OSBP2: variants seen among roughly 807,000 people sequenced by gnomAD.
OSBP2 encodes oxysterol binding protein 2.
Under a neutral mutation model 96.0 loss-of-function variants are expected in OSBP2, and 66 were observed. That is an observed-to-expected ratio of 0.69 (90% confidence interval 0.56 to 0.84). The LOEUF (loss-of-function observed/expected upper bound fraction) is 0.84, where lower values mean the gene tolerates loss of function less well. Among genes scored for constraint, OSBP2 ranks in the 40% least tolerant of loss-of-function variants. The pLI, the probability that OSBP2 is intolerant of heterozygous loss-of-function variation, is 0.00. For missense variants in OSBP2, 1,038 were observed against 1,222.7 expected, an observed-to-expected ratio of 0.85 and a Z score of 2.25; for synonymous variants, 525 against 520.9, an observed-to-expected ratio of 1.01 and a Z score of -0.11.
chr22:30,706,531 T>C (rs772334833), intron 1 of OSBP2, among the ~76,000 whole-genome samples: 6 of 152,182 alleles, frequency 3.9e-5, no homozygotes, highest in African/African-American at 9.7e-5. Context: ...TGAGCTTGCA[T>C]AGGAAACTGC....
At chr22:30,759,653 C>A (rs143249061) in intron 2 of OSBP2, among the ~76,000 whole-genome samples, 73 of 152,198 alleles carry the variant, frequency 4.8e-4, no homozygotes, top group African/African-American at 1.7e-3. Context: ...AACACTTGCC[C>A]AAGATCAAAT....
intron 1 of OSBP2, among the ~76,000 whole-genome samples, chr22:30,717,755 C>A (rs538750062): frequency 2.6e-5 from 4 of 152,136 alleles, no homozygotes; most frequent in African/African-American, 9.7e-5. Flanking sequence ...CAACATGACT[C>A]CCCCTCAGGA....
intron 2 of OSBP2, among the ~76,000 whole-genome samples, chr22:30,784,687 A>G (rs1485558114): frequency 6.6e-6 from 1 of 151,964 alleles, no homozygotes; most frequent in East Asian, 1.9e-4. Flanking sequence ...GATTTTGAAT[A>G]CTCGTCTTCA....
intron 1 of OSBP2, among the ~76,000 whole-genome samples, chr22:30,696,110 G>A (rs778682288): frequency 6.6e-6 from 1 of 152,148 alleles, no homozygotes; most frequent in Non-Finnish European, 1.5e-5. Context: ...TGGCCTTCAG[G>A]AGTCCATCTT....
rs550306926 is a variant in OSBP2, at chr22:30,721,488, G to T, written c.645-19673G>T. ...AGTGTGCAGAGCAGGGGTGAAGGTG[G>T]TCTCCCACGCAGACTCTGTTTGGGG... On this transcript the variant is annotated intron_variant, in intron 1 of 13. Coordinates refer to ENST00000332585, the MANE Select transcript of OSBP2 (RefSeq NM_030758.4). Among the ~76,000 whole-genome samples the T allele has an allele frequency of 3.3e-5, 5 of 152,294 alleles. No individual in the cohort carries two copies. In the South Asian group the frequency reaches 1.0e-3, roughly 32 times the overall value.
chr22:30,829,236 C>T (rs2038469879), intron 2 of OSBP2, among the ~76,000 whole-genome samples: 1 of 152,160 alleles, frequency 6.6e-6, no homozygotes, highest in Non-Finnish European at 1.5e-5. Flanking sequence ...TGGCACCTCG[C>T]GTGGATTAGA....
chr22:30,786,475 A>G (rs1364199555), intron 2 of OSBP2, among the ~76,000 whole-genome samples: 2 of 152,112 alleles, frequency 1.3e-5, no homozygotes. Flanking sequence ...GGAGACAGAC[A>G]AACCAATACA....
intron 2 of OSBP2, among the ~76,000 whole-genome samples, chr22:30,768,753 G>T (rs2090310279): frequency 6.6e-6 from 1 of 152,122 alleles, no homozygotes; most frequent in Non-Finnish European, 1.5e-5. Flanking sequence ...TTCCTGCTAG[G>T]GCAATTACCT....
intron 3 of OSBP2, among the ~76,000 whole-genome samples, chr22:30,873,583 T>A: frequency 6.6e-6 from 1 of 152,158 alleles, no homozygotes; most frequent in East Asian, 1.9e-4. Flanking sequence ...GGGGCCCCAC[T>A]GCAACTCCAT....
rs1343732806 is a variant in OSBP2, at chr22:30,741,257, T to G, written c.741T>G (p.Ser247Arg). The stretch of plus-strand genomic sequence containing the variant: ...ACTCTTGTGGTATCTTGCTGACCAG[T>G]GGGGCCAGGAGCTACCACCTCAAGG... ...TEDSCGILLT[S>R]GARSYHLKAS... The change falls in exon 2 of 14, where the codon AGT becomes AGG. Residue 247 changes from serine (S) to arginine (R), a missense_variant. Ser to Arg is a moderately radical substitution (Grantham distance 110, BLOSUM62 -1). Around this residue, in one of 3 missense-constraint regions of OSBP2, gnomAD observed 737 missense variants for 913.3 expected, o/e 0.81. Coordinates refer to ENST00000332585, the MANE Select transcript of OSBP2 (RefSeq NM_030758.4). 1 of 1,614,014 alleles carries G rather than the reference T, an allele frequency of 6.2e-7. No homozygotes were observed. Among genetic ancestry groups the G allele is most frequent in the East Asian group, 2.2e-5 (1 of 44,876 alleles).
At chr22:30,728,396 A>G (rs1226527347) in intron 1 of OSBP2, among the ~76,000 whole-genome samples, 1 of 147,964 alleles carries the variant, frequency 6.8e-6, no homozygotes, top group South Asian at 2.1e-4. Flanking sequence ...CTCCGTCTCA[A>G]AAAAAAAAAA....
intron 2 of OSBP2, among the ~76,000 whole-genome samples, chr22:30,798,802 C>T (rs1039009723): frequency 6.6e-6 from 1 of 152,086 alleles, no homozygotes; most frequent in African/African-American, 2.4e-5. Flanking sequence ...CACCTGAGGT[C>T]AGGAGTTCAA....
chr22:30,734,701 A>G (rs902229171), intron 1 of OSBP2, among the ~76,000 whole-genome samples: 1 of 152,230 alleles, frequency 6.6e-6, no homozygotes, highest in African/African-American at 2.4e-5. Context: ...TAAAAAAGGT[A>G]AAAATAATAC....
At chr22:30,796,439 A>G (rs1055643783) in intron 2 of OSBP2, among the ~76,000 whole-genome samples, 2 of 152,192 alleles carry the variant, frequency 1.3e-5, no homozygotes, top group African/African-American at 4.8e-5. Flanking sequence ...ATTTTAAATT[A>G]TCTTCTATTC....
intron 3 of OSBP2, among the ~76,000 whole-genome samples, chr22:30,884,901 G>T (rs1041454351): frequency 1.3e-5 from 2 of 152,226 alleles, no homozygotes; most frequent in Non-Finnish European, 2.9e-5. Flanking sequence ...TGGAGAGACC[G>T]ACCCAATGGG....
intron 2 of OSBP2, among the ~76,000 whole-genome samples, chr22:30,775,333 C>T (rs1402495114): frequency 3.9e-5 from 6 of 152,142 alleles, no homozygotes; most frequent in African/African-American, 9.6e-5. Context: ...ATCGACCAGG[C>T]GCAGTGGCTT....
intron 12 of OSBP2, among the ~76,000 whole-genome samples, chr22:30,895,677 G>T (rs903133546): frequency 6.6e-6 from 1 of 152,100 alleles, no homozygotes; most frequent in Non-Finnish European, 1.5e-5. Context: ...GGTGGCTCAC[G>T]CCTGTAATCC....
chr22:30,756,896 C>A (rs950913148), intron 2 of OSBP2, among the ~76,000 whole-genome samples: 5 of 152,112 alleles, frequency 3.3e-5, no homozygotes. Context: ...GCTGAGCACA[C>A]GTACACATGC....
At chr22:30,751,044 A>G (rs1360436967) in intron 2 of OSBP2, among the ~76,000 whole-genome samples, 1 of 151,906 alleles carries the variant, frequency 6.6e-6, no homozygotes, top group Admixed American at 6.6e-5. Flanking sequence ...CCCGGCCTCT[A>G]TTGATAACTC....
Sources: allele counts gnomAD v4.1 joint callset (sites outside exome capture counted in the v4.1 genomes callset), GRCh38; gene constraint gnomAD v4.1.1; regional missense constraint gnomAD v4.1.1; transcripts MANE v1.5; gene names NCBI Gene and HGNC (gene_info 2026-07-23, HGNC 2026-07-21).